Variants in ENPP2 observed in about 807,000 individuals in gnomAD.
ENPP2 encodes the protein autotaxin.
In ENPP2, 51 loss-of-function variants were observed where a neutral mutation model predicts 120.2. That is an observed-to-expected ratio of 0.42 (90% CI 0.34 to 0.54). ENPP2 has a LOEUF of 0.54. ENPP2 is among the 20% of genes least tolerant of loss of function. The pLI, the probability that ENPP2 is intolerant of heterozygous loss-of-function variation, is 0.04. For synonymous variants in ENPP2, 365 were observed against 366.4 expected (o/e 1.00, Z 0.04); for missense variants, 920 against 1,066.5 (o/e 0.86, Z 1.91).
intron 13 of ENPP2, among the ~76,000 whole-genome samples, chr8:119,590,038 C>T (rs1813390256): frequency 6.6e-6 from 1 of 152,160 alleles, no homozygotes; most frequent in Admixed American, 6.5e-5. Flanking sequence ...AGAGAATGGA[C>T]TCCATTCCAC....
chr8:119,653,839 A>T (rs1817691748), intron 1 of ENPP2, among the ~76,000 whole-genome samples: 1 of 151,956 alleles, frequency 6.6e-6, no homozygotes, highest in South Asian at 2.1e-4. Flanking sequence ...TGTGGCGTAG[A>T]TGAGGGGAGA....
intron 14 of ENPP2, among the ~76,000 whole-genome samples, chr8:119,586,572 C>A (rs572009244): frequency 6.6e-6 from 1 of 152,006 alleles, no homozygotes. Flanking sequence ...GTGAGACCAT[C>A]GCTAAGAGCA....
chr8:119,594,459 G>A (rs1813750123), intron 11 of ENPP2, among the ~76,000 whole-genome samples: 1 of 152,194 alleles, frequency 6.6e-6, no homozygotes, highest in South Asian at 2.1e-4. Context: ...AGCTGATTTT[G>A]AGTGAAACAA....
chr8:119,668,641 A>G (rs1448608755), intron 1 of ENPP2, among the ~76,000 whole-genome samples: 1 of 151,762 alleles, frequency 6.6e-6, no homozygotes. Context: ...GTTGGCCAGG[A>G]TGGTCTCCAT....
intron 2 of ENPP2, among the ~76,000 whole-genome samples, chr8:119,636,750 T>G (rs926836528): frequency 3.3e-5 from 5 of 152,010 alleles, no homozygotes; most frequent in African/African-American, 1.2e-4. Context: ...GCACAGAAAT[T>G]CAAGAGGCAA....
chr8:119,669,639 C>T (rs1433902899), intron 1 of ENPP2, among the ~76,000 whole-genome samples: 2 of 152,184 alleles, frequency 1.3e-5, no homozygotes, highest in East Asian at 1.9e-4. Flanking sequence ...ATTAGAGATT[C>T]CTAACTGGAG....
chr8:119,623,807 G>T (rs964926266), intron 3 of ENPP2, among the ~76,000 whole-genome samples: 2 of 151,984 alleles, frequency 1.3e-5, no homozygotes, highest in African/African-American at 2.4e-5. Context: ...TGTATTTTTA[G>T]TAGAGATGGG....
At chr8:119,609,418 C>A (rs1005133432) in intron 8 of ENPP2, among the ~76,000 whole-genome samples, 5 of 152,128 alleles carry the variant, frequency 3.3e-5, no homozygotes, top group East Asian at 1.9e-4. Flanking sequence ...AGGGACCAGA[C>A]CTTCTTGGCC....
chr8:119,599,214 A>G (rs1335911838), intron 11 of ENPP2, among the ~76,000 whole-genome samples: 2 of 152,226 alleles, frequency 1.3e-5, no homozygotes, highest in Non-Finnish European at 2.9e-5. Flanking sequence ...ACAGAAAAAG[A>G]GCATCTGACT....
upstream of ENPP2, among the ~76,000 whole-genome samples, chr8:119,643,467 T>C (rs1817342549): frequency 6.6e-6 from 1 of 152,214 alleles, no homozygotes. Flanking sequence ...TATTAATTGT[T>C]ACACAGTCGA....
intron 12 of ENPP2, 64 bp from the exon 13 acceptor site, chr8:119,590,694 C>T (rs767605832): frequency 1.3e-4 from 153 of 1,135,384 alleles, no homozygotes; most frequent in Admixed American, 1.3e-3. Context: ...AACATAGACA[C>T]GAAAGATAAC....
At chr8:119,665,367 G>C (rs995408441) in intron 1 of ENPP2, among the ~76,000 whole-genome samples, 1 of 152,114 alleles carries the variant, frequency 6.6e-6, no homozygotes. Flanking sequence ...TCTTTAAGAC[G>C]ATAAATTATT....
chr8:119,636,310 C>G (rs946324769), intron 2 of ENPP2, among the ~76,000 whole-genome samples: 1 of 152,132 alleles, frequency 6.6e-6, no homozygotes, highest in Non-Finnish European at 1.5e-5. Flanking sequence ...ATGCTTTTAC[C>G]TAGTTTACTA....
At chr8:119,652,592 G>T (rs893221327) in intron 1 of ENPP2, among the ~76,000 whole-genome samples, 2 of 152,126 alleles carry the variant, frequency 1.3e-5, no homozygotes, top group African/African-American at 2.4e-5. Context: ...GGTTATCTGT[G>T]CAAACAAGAT....
Position 119,593,660 on chromosome 8 carries a change from G to A in ENPP2, c.1081+92C>T, listed in dbSNP as rs1242561820. 6.2e-6 allele frequency: 5 copies of A among 810,580 alleles called. No homozygotes were observed. In the African/African-American group the frequency reaches 8.5e-5, roughly 14 times the overall value. 50.2% of individuals were successfully genotyped at this position (810,580 alleles called of 1,614,324 possible). A position where few individuals can be genotyped will look rare whatever the true frequency, so the allele number is the denominator to read the frequency against. Reference sequence around the variant, plus strand: ...AAGCGGGGATGAGGTTAAGAATGGAGTCTTGGCTTCTAAGGGCAAGGATTC... The same window carrying A: ...AAGCGGGGATGAGGTTAAGAATGGAATCTTGGCTTCTAAGGGCAAGGATTC... On this transcript the variant is annotated intron_variant, in intron 12 of 24. Coordinates refer to ENST00000075322, the MANE Select transcript of ENPP2 (RefSeq NM_001040092.3).
exon 1 of ENPP2, chr8:119,673,344 G>C (rs1426799783): frequency 6.6e-6 from 10 of 1,525,792 alleles, no homozygotes; most frequent in African/African-American, 1.4e-5. Context: ...CCCGCGACCT[G>C]GGAGCTGTGC....
chr8:119,616,357 C>A lies in ENPP2; in HGVS notation c.685G>T (p.Val229Phe). The change falls in exon 8 of 25, where the codon GTT becomes TTT. Residue 229 changes from valine (V) to phenylalanine (F), a missense_variant. Transcript: ENST00000075322. The part of the protein sequence containing the change: ...TGLYPESHGI[V>F]GNSMYDPVFD... ...ACAGGATCATACATTGAATTGCCAA[C>A]AATTCCATGTGATTCTGGATATAGC... 1 of 1,606,822 alleles carries A rather than the reference C, an allele frequency of 6.2e-7. No homozygotes were observed. The highest frequency in any genetic ancestry group is 8.5e-7 in the Non-Finnish European group (1 of 1,174,714).
chr8:119,572,406 C>T (rs530339066), intron 19 of ENPP2, among the ~76,000 whole-genome samples: 8 of 152,152 alleles, frequency 5.3e-5, no homozygotes, highest in Non-Finnish European at 1.2e-4. Flanking sequence ...TGTTCCCATA[C>T]GCAATACCCC....
At chr8:119,584,275 A>C (rs1042716810) in intron 15 of ENPP2, among the ~76,000 whole-genome samples, 8 of 152,182 alleles carry the variant, frequency 5.3e-5, no homozygotes, top group Non-Finnish European at 5.9e-5. Context: ...AACTGAAGTC[A>C]CGATGCCCTC....
Sources: gnomAD v4.1 joint callset for allele counts (sites outside exome capture counted in the v4.1 genomes callset) on GRCh38, gnomAD v4.1.1 for gene constraint, MANE v1.5 for transcripts, NCBI Gene and HGNC (gene_info 2026-07-23, HGNC 2026-07-21) for gene names.